DDX60: variants seen among roughly 807,000 people sequenced by gnomAD.
DDX60 encodes the protein DExD/H-box helicase 60.
Under a neutral mutation model 212.8 loss-of-function variants are expected in DDX60, and 165 were observed. The observed-to-expected ratio is 0.78, with a 90% confidence interval of 0.68 to 0.88. The LOEUF is 0.88. Ranked by LOEUF, DDX60 falls within the 40% of genes least tolerant of loss-of-function variation. The pLI is 0.00. For synonymous variants in DDX60, 703 were observed against 685.3 expected (o/e 1.03, Z -0.40); for missense variants, 1,905 against 2,003.9 (o/e 0.95, Z 0.94).
chr4:168,297,498 T>A (rs927303932), intron 6 of DDX60, among the ~76,000 whole-genome samples: 1 of 151,572 alleles, frequency 6.6e-6, no homozygotes, highest in Non-Finnish European at 1.5e-5. Flanking sequence ...AGGAGAATAA[T>A]CTCAATAAAA....
In DDX60 at chr4:168,221,884, G is replaced by A. The variant is rs17611179; in HGVS notation, c.4825-3C>T. 74,285 of 1,604,200 alleles carry A rather than the reference G, an allele frequency of 0.046. 1,929 individuals are homozygous for A. The highest frequency in any genetic ancestry group is 0.054 in the Non-Finnish European group (63,519 of 1,174,066). The stretch of plus-strand genomic sequence containing the variant: ...ACACCGATTGTGCCTAGAGTAACCT[G>A]AAAAAATACGATTATTCTTAATGTA... On this transcript the variant is annotated splice_polypyrimidine_tract_variant and splice_region_variant and intron_variant, in intron 35 of 37. Transcript: ENST00000393743.
intron 1 of DDX60, among the ~76,000 whole-genome samples, chr4:168,315,133 C>A (rs1379439832): frequency 6.6e-6 from 1 of 152,132 alleles, no homozygotes; most frequent in Non-Finnish European, 1.5e-5. Flanking sequence ...ATTTACTTAT[C>A]TATAAAATTG....
chr4:168,221,421 A>T (rs1239505569), intron 36 of DDX60, among the ~76,000 whole-genome samples: 1 of 152,200 alleles, frequency 6.6e-6, no homozygotes, highest in Non-Finnish European at 1.5e-5. Flanking sequence ...ATAATGAATA[A>T]ACAGGAGAGT....
At chr4:168,280,622 A>G (rs1735552510) in intron 13 of DDX60, 32 bp from the exon 14 acceptor site, 3 of 1,571,992 alleles carry the variant, frequency 1.9e-6, no homozygotes, top group South Asian at 2.4e-5. Context: ...CTCTTAAGAC[A>G]AGTTGAAAAT....
At chr4:168,236,714 A>G (rs1733641923) in intron 32 of DDX60, among the ~76,000 whole-genome samples, 1 of 151,896 alleles carries the variant, frequency 6.6e-6, no homozygotes, top group Non-Finnish European at 1.5e-5. Flanking sequence ...TCAAAAATGT[A>G]TTAAATAAAA....
chr4:168,323,194 C>T (rs976995611), upstream of DDX60, among the ~76,000 whole-genome samples: 1 of 152,114 alleles, frequency 6.6e-6, no homozygotes, highest in Non-Finnish European at 1.5e-5. Context: ...CTGAGACTTA[C>T]TGAGAGTAGG....
intron 25 of DDX60, among the ~76,000 whole-genome samples, chr4:168,257,948 T>G (rs1474769377): frequency 6.6e-6 from 1 of 152,222 alleles, no homozygotes; most frequent in African/African-American, 2.4e-5. Context: ...TCGGTGGAGA[T>G]GCCATTACTG....
chr4:168,224,355 TGA>T lies in DDX60; in HGVS notation c.4710_4711del (p.Gln1571ThrfsTer26), dbSNP rs1733174108. The T allele has an allele frequency of 6.2e-7, 1 of 1,611,894 alleles. No individual in the cohort carries two copies. The highest frequency in any genetic ancestry group is 1.3e-5 in the African/African-American group (1 of 74,810). On this transcript the variant is annotated frameshift_variant, in exon 35 of 38. Transcript: ENST00000393743. LOFTEE classifies it high-confidence loss of function. The stretch of plus-strand genomic sequence containing the variant: ...GCAGCTCATCAAATGAGATACGAGT[TGA>T]GAGTCTTCACATTCTTTACCTGTGA...
In DDX60 at chr4:168,252,628, T is replaced by G; in HGVS notation, c.3586A>C (p.Asn1196His). The G allele has an allele frequency of 6.2e-7, 1 of 1,611,318 alleles. No homozygotes were observed. The highest frequency in any genetic ancestry group is 1.1e-5 in the South Asian group (1 of 90,158). The change falls in exon 27 of 38, where the codon AAT becomes CAT. Residue 1196 changes from asparagine (N) to histidine (H), a missense_variant. Asn to His is a moderately conservative substitution (Grantham distance 68). Transcript: ENST00000393743. ...IDEKSQKKTRNVDQSLIHEAE... is the reference protein window; with the variant it reads ...IDEKSQKKTRHVDQSLIHEAE... ...TCATGTATTAGGCTTTGATCCACAT[T>G]TCTGGTTTTTTTCTGGCTCTTTTCA...
chr4:168,306,471 C>T lies in DDX60; in HGVS notation c.514G>A (p.Val172Ile), dbSNP rs200171809. The T allele has an allele frequency of 7.4e-6, 12 of 1,614,138 alleles. No individual in the cohort carries two copies. The highest frequency in any genetic ancestry group is 1.6e-4 in the Middle Eastern group (1 of 6,062). ...GATTCTTGCCCTGAGGAAAGTACAACGTTGACCTTCCTTGCCCAAGAATGA... is the reference window on the plus strand; with the variant it reads ...GATTCTTGCCCTGAGGAAAGTACAATGTTGACCTTCCTTGCCCAAGAATGA... ...IIHSWARKVN[V>I]VLSSGQESDV... Residue 172 changes from valine to isoleucine, a missense_variant, in exon 5 of 38, where the codon GTT becomes ATT. By Grantham distance (29) the Val-to-Ile change is conservative. Coordinates refer to ENST00000393743, the MANE Select transcript of DDX60 (RefSeq NM_017631.6).
At chr4:168,220,634 A>AT in intron 37 of DDX60, 21 bp downstream of exon 37, 1 of 1,247,174 alleles carries the variant, frequency 8.0e-7, no homozygotes, top group Admixed American at 2.5e-5. Context: ...TCTAAAATCA[A>AT]TATTTAAATA....
chr4:168,252,155 T>C (rs1734244138), intron 27 of DDX60, among the ~76,000 whole-genome samples: 1 of 152,164 alleles, frequency 6.6e-6, no homozygotes, highest in South Asian at 2.1e-4. Context: ...GTGGAAACAA[T>C]GTAATAGAAA....
At chr4:168,297,360 AAGAAAGAAAGAAAGAAAGAAAG>A (rs879859686) in intron 6 of DDX60, among the ~76,000 whole-genome samples, 5,805 of 69,004 alleles carry the variant, frequency 0.084, 593 homozygotes, top group African/African-American at 0.16. Flanking sequence ...GAAAGAAAGA[AAGAAAGAAAGAAAGAAAGAAAG>A]AGAAAGAAAG....
intron 19 of DDX60, 66 bp downstream of exon 19, chr4:168,271,977 C>A: frequency 7.8e-7 from 1 of 1,286,786 alleles, no homozygotes; most frequent in Non-Finnish European, 1.1e-6. Flanking sequence ...CCTGAAACAC[C>A]AAATATCTTC....
Position 168,311,041 on chromosome 4 carries a change from G to A in DDX60, c.31C>T (p.Gln11Ter). The change falls in exon 3 of 38, where the codon CAG (glutamine) becomes TAG (stop). Residue 11 changes from glutamine to a stop codon, truncating the protein, a stop_gained. Coordinates refer to ENST00000393743, the MANE Select transcript of DDX60 (RefSeq NM_017631.6). LOFTEE classifies it high-confidence loss of function. ...TTCAAAATTAACTGGGACATTTCCT[G>A]TGAAAATGTTGTAAGAACATTTCTT... MERNVLTTFS[Q>*]EMSQLILNEM... 6.3e-7 allele frequency: 1 copy of A among 1,580,412 alleles called. No individual in the cohort carries two copies. Among genetic ancestry groups the A allele is most frequent in the Non-Finnish European group, 8.7e-7 (1 of 1,152,962 alleles).
intron 8 of DDX60, among the ~76,000 whole-genome samples, chr4:168,288,627 T>A (rs1735964825): frequency 6.6e-6 from 1 of 152,240 alleles, no homozygotes; most frequent in African/African-American, 2.4e-5. Context: ...GCTACAGAAA[T>A]ACTTCTGCTT....
intron 25 of DDX60, among the ~76,000 whole-genome samples, chr4:168,256,686 G>C (rs1454997884): frequency 2.6e-5 from 4 of 152,118 alleles, no homozygotes; most frequent in African/African-American, 9.7e-5. Flanking sequence ...CTTTTTACAG[G>C]AGCACTGAAA....
intron 8 of DDX60, among the ~76,000 whole-genome samples, chr4:168,289,931 TC>T (rs1173558417): frequency 6.6e-6 from 1 of 151,828 alleles, no homozygotes; most frequent in Admixed American, 6.6e-5. Flanking sequence ...TTTCCCCAAG[TC>T]CCCCCTGTTT....
At chr4:168,238,444 GA>G (rs1733716892) in intron 30 of DDX60, among the ~76,000 whole-genome samples, 1 of 106,878 alleles carries the variant, frequency 9.4e-6, no homozygotes, top group African/African-American at 3.3e-5. Context: ...GAAGGGAAGG[GA>G]AGGGAAGGGA....
Sources: gnomAD v4.1 joint callset for allele counts (sites outside exome capture counted in the v4.1 genomes callset) on GRCh38, gnomAD v4.1.1 for gene constraint, MANE v1.5 for transcripts, NCBI Gene and HGNC (gene_info 2026-07-23, HGNC 2026-07-21) for gene names.